PCDHGA1: variants seen among roughly 807,000 people sequenced by gnomAD.
The protein encoded by PCDHGA1 is protocadherin gamma-A1.
A neutral mutation model predicts 58.0 loss-of-function variants in PCDHGA1; 32 were observed. The observed-to-expected ratio is 0.55, with a 90% CI of 0.42 to 0.74. PCDHGA1 has a LOEUF of 0.74. Ranked by LOEUF, PCDHGA1 falls within the 30% of genes least tolerant of loss-of-function variation. The pLI is 0.00. For synonymous variants in PCDHGA1, 498 were observed against 501.1 expected (o/e 0.99, Z 0.08); for missense variants, 1,205 against 1,182.3 (o/e 1.02, Z -0.28).
chr5:141,453,931 G>T (rs61228273), intron 1 of PCDHGA1, among the ~76,000 whole-genome samples: 2 of 152,306 alleles, frequency 1.3e-5, no homozygotes, highest in African/African-American at 4.8e-5. Flanking sequence ...GTCACTGTGT[G>T]CCTATAATTT....
chr5:141,340,906 C>G, intron 1 of PCDHGA1: 4 of 1,613,782 alleles, frequency 2.5e-6, no homozygotes, highest in Non-Finnish European at 3.4e-6. Flanking sequence ...TCGTGGTGGC[C>G]ATCCAGGACC....
chr5:141,353,671 A>T (rs1759350441), intron 1 of PCDHGA1, among the ~76,000 whole-genome samples: 1 of 152,202 alleles, frequency 6.6e-6, no homozygotes, highest in African/African-American at 2.4e-5. Flanking sequence ...TGTAATGAAC[A>T]TTTGGGTTTA....
At chr5:141,340,226 A>T (rs757697109) in intron 1 of PCDHGA1, 1 of 1,614,118 alleles carries the variant, frequency 6.2e-7, no homozygotes, top group Admixed American at 1.7e-5. Context: ...TTCCTTTTAC[A>T]ACATCACTCT....
intron 1 of PCDHGA1, chr5:141,394,148 T>C (rs2092927771): frequency 6.2e-7 from 1 of 1,613,768 alleles, no homozygotes; most frequent in African/African-American, 1.3e-5. Context: ...TGGCAGACAT[T>C]AACGACAACC....
intron 1 of PCDHGA1, among the ~76,000 whole-genome samples, chr5:141,467,288 A>G (rs1322298174): frequency 6.6e-6 from 1 of 152,084 alleles, no homozygotes; most frequent in Non-Finnish European, 1.5e-5. Context: ...CTTGACCTCA[A>G]GTGATCCACT....
chr5:141,386,967 T>C (rs1397962065), intron 1 of PCDHGA1, among the ~76,000 whole-genome samples: 1 of 152,204 alleles, frequency 6.6e-6, no homozygotes, highest in Non-Finnish European at 1.5e-5. Flanking sequence ...CAGATCTCAG[T>C]GACTTTGTGT....
chr5:141,429,377 G>T (rs1029180912), intron 1 of PCDHGA1, among the ~76,000 whole-genome samples: 1 of 149,434 alleles, frequency 6.7e-6, no homozygotes, highest in African/African-American at 2.5e-5. Context: ...GAGAAAATGT[G>T]TTTTTTTTTT....
At chr5:141,434,515 G>A (rs1032584764) in intron 1 of PCDHGA1, among the ~76,000 whole-genome samples, 1 of 152,296 alleles carries the variant, frequency 6.6e-6, no homozygotes, top group African/African-American at 2.4e-5. Context: ...CTGCTTAAAG[G>A]TGTTCTTAAA....
In PCDHGA1 at chr5:141,486,110, G is replaced by A. The variant is rs780031943; in HGVS notation, c.2422-8697G>A. 1.2e-6 allele frequency: 2 copies of A among 1,614,162 alleles called. No individual in the cohort carries two copies. Among genetic ancestry groups the A allele is most frequent in the South Asian group, 1.1e-5 (1 of 91,078 alleles). On this transcript the variant is annotated intron_variant, in intron 1 of 3. Transcript: ENST00000517417. This position sits in a 1 kb window ranked among gnomAD's most constrained non-coding sequence, Gnocchi z 5.0. ...TTTGGGGCCCCTAGACTTTGAGAGT[G>A]AGAATTACTATGAATTTGATGTGCG...
chr5:141,482,593 G>A (rs1314658005), intron 1 of PCDHGA1, among the ~76,000 whole-genome samples: 4 of 149,900 alleles, frequency 2.7e-5, no homozygotes, highest in Non-Finnish European at 5.9e-5. Flanking sequence ...GGGACCAAAC[G>A]GGAAAAAACA....
chr5:141,351,217 T>C, intron 1 of PCDHGA1: 1 of 1,614,054 alleles, frequency 6.2e-7, no homozygotes. Flanking sequence ...AAGCTAAGGA[T>C]GGAGGAGTAC....
chr5:141,419,853 C>A lies in PCDHGA1; in HGVS notation c.2422-74954C>A, dbSNP rs1327953878. The A allele has an allele frequency of 1.9e-6, 3 of 1,614,072 alleles. No homozygotes were observed. In the Admixed American group the frequency reaches 5.0e-5, roughly 27 times the overall value. The stretch of plus-strand genomic sequence containing the variant: ...ACTGCCACGCTGCACCTGGTGTTCG[C>A]AGATAGCTTGCAAGAGGTACTGCCG... On this transcript the variant is annotated intron_variant, in intron 1 of 3. Transcript: ENST00000517417.
chr5:141,495,122 C>T (rs1365586518), intron 2 of PCDHGA1, among the ~76,000 whole-genome samples: 2 of 152,282 alleles, frequency 1.3e-5, no homozygotes, highest in East Asian at 3.9e-4. Flanking sequence ...TTCCTATCCC[C>T]TGAGGGCACT....
Position 141,477,934 on chromosome 5 carries a change from C to T in PCDHGA1, c.2422-16873C>T. Reference sequence around the variant, plus strand: ...CGGATGCAGGGCACAATGCCTGGCTCTCCTACAGTCTCTTGGGATCCCCTA... The same window carrying T: ...CGGATGCAGGGCACAATGCCTGGCTTTCCTACAGTCTCTTGGGATCCCCTA... On this transcript the variant is annotated intron_variant, in intron 1 of 3. Coordinates refer to ENST00000517417, the MANE Select transcript of PCDHGA1 (RefSeq NM_018912.3). This position sits in a 1 kb window ranked among gnomAD's most constrained non-coding sequence, Gnocchi z 4.9. 3.1e-6 allele frequency: 5 copies of T among 1,614,204 alleles called. No individual in the cohort carries two copies. The highest frequency in any genetic ancestry group is 4.2e-6 in the Non-Finnish European group (5 of 1,180,036).
chr5:141,476,421 C>G lies in PCDHGA1; in HGVS notation c.2422-18386C>G. 1 of 1,614,026 alleles carries G rather than the reference C, an allele frequency of 6.2e-7. No homozygotes were observed. Among genetic ancestry groups the G allele is most frequent in the South Asian group, 1.1e-5 (1 of 91,066 alleles). On this transcript the variant is annotated intron_variant, in intron 1 of 3. Transcript: ENST00000517417. The surrounding 1 kb of genome is among the most constrained non-coding windows in gnomAD (Gnocchi z 7.6). ...CGAGAGGAGCTGTGTGGGACACTGC[C>G]CTCTTGCACTGTAACTCTGGAGTTG...
intron 1 of PCDHGA1, chr5:141,410,822 A>C: frequency 2.2e-6 from 1 of 461,410 alleles, no homozygotes; most frequent in Non-Finnish European, 3.6e-6. Context: ...AAATAATGTC[A>C]CCAGACTGAA....
chr5:141,338,403 C>A (rs536114035), intron 1 of PCDHGA1, among the ~76,000 whole-genome samples: 4 of 152,268 alleles, frequency 2.6e-5, no homozygotes, highest in South Asian at 4.1e-4. Context: ...ACGTAGCTAA[C>A]GTTTCTTAAT....
intron 1 of PCDHGA1, chr5:141,421,223 C>T: frequency 6.3e-7 from 1 of 1,580,314 alleles, no homozygotes. Context: ...GGCTTAGAGC[C>T]TGCCATGGCG....
At chr5:141,500,822 T>A (rs1377955680) in intron 2 of PCDHGA1, among the ~76,000 whole-genome samples, 1 of 152,240 alleles carries the variant, frequency 6.6e-6, no homozygotes, top group African/African-American at 2.4e-5. Context: ...TACATATTAT[T>A]TTTCTAATGC....
Sources: allele counts gnomAD v4.1 joint callset (sites outside exome capture counted in the v4.1 genomes callset), GRCh38; gene constraint gnomAD v4.1.1; non-coding constraint Gnocchi (gnomAD v3.1); transcripts MANE v1.5; gene names NCBI Gene and HGNC (gene_info 2026-07-23, HGNC 2026-07-21).